ADAM23: variants seen among roughly 807,000 people sequenced by gnomAD.
ADAM23 encodes disintegrin and metalloproteinase domain-containing protein 23.
ADAM23 carries 33 observed loss-of-function variants against 120.1 expected under a neutral mutation model. That is an observed-to-expected ratio of 0.27 (90% CI 0.21 to 0.37). The LOEUF (loss-of-function observed/expected upper bound fraction) is 0.37, where lower values mean the gene tolerates loss of function less well. Among genes scored for constraint, ADAM23 ranks in the 10% least tolerant of loss-of-function variants. The pLI, the probability that ADAM23 is intolerant of heterozygous loss-of-function variation, is 1.00. For synonymous variants in ADAM23, 367 were observed against 375.2 expected (o/e 0.98, Z 0.25); for missense variants, 862 against 1,058.2 (o/e 0.81, Z 2.57).
At chr2:206,558,255 A>C (rs1697686289) in intron 10 of ADAM23, among the ~76,000 whole-genome samples, 1 of 152,154 alleles carries the variant, frequency 6.6e-6, no homozygotes, top group Non-Finnish European at 1.5e-5. Context: ...ATATTACTCC[A>C]TATGTTGTAA....
intron 21 of ADAM23, among the ~76,000 whole-genome samples, chr2:206,590,208 G>A (rs13399454): frequency 0.078 from 11,843 of 151,688 alleles, 610 homozygotes; most frequent in Admixed American, 0.16. Context: ...AATGATTCTC[G>A]TGCCTCAACC....
chr2:206,561,046 G>C (rs961810729), intron 11 of ADAM23, 82 bp from the exon 12 acceptor site: 1 of 1,203,654 alleles, frequency 8.3e-7, no homozygotes, highest in African/African-American at 1.5e-5. Flanking sequence ...GGTGTTCCAT[G>C]TAGGAGGGTA....
chr2:206,548,474 A>C, intron 8 of ADAM23, 120 bp downstream of exon 8: 1 of 919,514 alleles, frequency 1.1e-6, no homozygotes, highest in Non-Finnish European at 1.6e-6. Flanking sequence ...TTGTTTAAAA[A>C]TGAAAACAAT....
At chr2:206,491,733 ATT>A (rs1335794601) in intron 3 of ADAM23, among the ~76,000 whole-genome samples, 11 of 152,152 alleles carry the variant, frequency 7.2e-5, no homozygotes. Context: ...GGGTTGTGTA[ATT>A]TTCATTATCT....
rs1201184051 is a variant in ADAM23 at position 206,491,501 on chromosome 2, G to A, written c.509+10193G>A. Among the ~76,000 whole-genome samples the A allele has an allele frequency of 2.0e-5, 3 of 152,236 alleles. No individual in the cohort carries two copies. The South Asian group carries it at 6.2e-4, about 32-fold the overall frequency. On this transcript the variant is annotated intron_variant, in intron 3 of 25. Transcript: ENST00000264377. ...TGGTGGATAAAAGGAGACCCTTTGC[G>A]GGTATCCACCCCAATGCAGAATGTG... is the stretch of plus-strand genomic sequence containing the variant.
chr2:206,498,770 T>C (rs1248923276), intron 3 of ADAM23, among the ~76,000 whole-genome samples: 1 of 151,996 alleles, frequency 6.6e-6, no homozygotes, highest in Non-Finnish European at 1.5e-5. Flanking sequence ...AGGGCTAATA[T>C]CCAGAATCTA....
chr2:206,604,516 A>G (rs987101005), intron 24 of ADAM23, among the ~76,000 whole-genome samples: 1 of 125,614 alleles, frequency 8.0e-6, no homozygotes, highest in Non-Finnish European at 1.7e-5. Context: ...AGCCTTCAAC[A>G]CTCTCGGGGG....
At chr2:206,590,340 C>T (rs184997341) in intron 21 of ADAM23, among the ~76,000 whole-genome samples, 7 of 152,264 alleles carry the variant, frequency 4.6e-5, no homozygotes, top group Admixed American at 3.9e-4. Flanking sequence ...TCAAGTGATC[C>T]GCCCTCCTCA....
intron 2 of ADAM23, among the ~76,000 whole-genome samples, chr2:206,477,923 A>ATATAT (rs1261680065): frequency 1.4e-3 from 130 of 90,692 alleles, no homozygotes; most frequent in African/African-American, 5.5e-3. Context: ...TATATATATA[A>ATATAT]AACAACAATG....
At chr2:206,494,347 C>A (rs1424808396) in intron 3 of ADAM23, among the ~76,000 whole-genome samples, 1 of 152,050 alleles carries the variant, frequency 6.6e-6, no homozygotes, top group East Asian at 1.9e-4. Flanking sequence ...AATACTTGAC[C>A]CTAAAAAAAT....
rs1486079779 is a variant in ADAM23 at position 206,587,358 on chromosome 2, G to T, written c.1771G>T (p.Ala591Ser). The change falls in exon 19 of 26, where the codon GCA becomes TCA. Residue 591 changes from alanine to serine, a missense_variant. By Grantham distance (99) the Ala-to-Ser change is moderately conservative. Transcript: ENST00000264377. ...AAATCTTCATAAGCAAGACGGATAT[G>T]CATGCAATCAAAATCAGGTATGCTG... Reference protein sequence around the residue: ...PPNLHKQDGYACNQNQGRCYN... With the variant: ...PPNLHKQDGYSCNQNQGRCYN... The T allele has an allele frequency of 1.2e-6, 2 of 1,607,372 alleles. No individual in the cohort carries two copies. The highest frequency in any genetic ancestry group is 2.7e-5 in the African/African-American group (2 of 74,858).
intron 3 of ADAM23, among the ~76,000 whole-genome samples, chr2:206,508,820 C>T (rs1696558697): frequency 6.6e-6 from 1 of 152,104 alleles, no homozygotes; most frequent in African/African-American, 2.4e-5. Flanking sequence ...GTAGTAAAGA[C>T]CTTGTCTTAT....
Position 206,596,048 on chromosome 2 carries a change from C to A in ADAM23, c.2248-3C>A. 6.2e-7 allele frequency: 1 copy of A among 1,609,310 alleles called. No homozygotes were observed. On this transcript the variant is annotated splice_region_variant and splice_polypyrimidine_tract_variant and intron_variant, in intron 23 of 25. Coordinates refer to ENST00000264377, the MANE Select transcript of ADAM23 (RefSeq NM_003812.4). ...TGCCATATCTGTTCCTTTTTCTTCACAGGTGTGTAGTAATGAAGCCACCTG... is the reference window on the plus strand; with the variant it reads ...TGCCATATCTGTTCCTTTTTCTTCAAAGGTGTGTAGTAATGAAGCCACCTG...
At chr2:206,595,767 A>G (rs1446557199) in intron 23 of ADAM23, among the ~76,000 whole-genome samples, 3 of 152,162 alleles carry the variant, frequency 2.0e-5, no homozygotes, top group Non-Finnish European at 4.4e-5. Context: ...TAATTTAAGA[A>G]TAACATGAAT....
intron 25 of ADAM23, among the ~76,000 whole-genome samples, chr2:206,611,303 T>A (rs1698822668): frequency 6.6e-6 from 1 of 152,208 alleles, no homozygotes; most frequent in Non-Finnish European, 1.5e-5. Context: ...AAAAACACAC[T>A]CATAAAATGG....
intron 2 of ADAM23, among the ~76,000 whole-genome samples, chr2:206,479,522 A>T (rs988850039): frequency 6.6e-6 from 1 of 152,210 alleles, no homozygotes; most frequent in African/African-American, 2.4e-5. Context: ...TAGAGCTGAA[A>T]AATCTCTCCT....
chr2:206,457,779 A>T (rs895294399), intron 2 of ADAM23, among the ~76,000 whole-genome samples: 1 of 152,202 alleles, frequency 6.6e-6, no homozygotes, highest in Non-Finnish European at 1.5e-5. Flanking sequence ...ACCATTCTAG[A>T]AGTAGATTTT....
chr2:206,527,970 GAGA>G lies in ADAM23; in HGVS notation c.510-2908_510-2906del, dbSNP rs1471018789. Among the ~76,000 whole-genome samples the G allele has an allele frequency of 3.9e-5, 6 of 152,318 alleles. No homozygotes were observed. The South Asian group carries it at 1.0e-3, about 26-fold the overall frequency. On this transcript the variant is annotated intron_variant, in intron 3 of 25. Transcript: ENST00000264377. The stretch of plus-strand genomic sequence containing the variant: ...AGATACTAGAAACAGGTATGTTCAT[GAGA>G]AGAAGAGACCCTTAAAAAGAGGGAA...
intron 25 of ADAM23, among the ~76,000 whole-genome samples, chr2:206,614,760 C>G (rs1698902414): frequency 6.6e-6 from 1 of 151,804 alleles, no homozygotes; most frequent in Non-Finnish European, 1.5e-5. Flanking sequence ...TTGTGGGGGC[C>G]TTTTGATTTT....
Sources: allele counts gnomAD v4.1 joint callset (sites outside exome capture counted in the v4.1 genomes callset), GRCh38; gene constraint gnomAD v4.1.1; transcripts MANE v1.5; gene names NCBI Gene and HGNC (gene_info 2026-07-23, HGNC 2026-07-21).